The following KATNAL1 variants were observed in gnomAD, a reference collection of about 807,000 sequenced individuals.
KATNAL1 encodes katanin catalytic subunit A1 like 1, also known as katanin p60 ATPase-containing subunit A-like 1.
KATNAL1 carries 32 observed loss-of-function variants against 55.2 expected under a neutral mutation model. The ratio of observed to expected loss-of-function variants is 0.58; its 90% confidence interval spans 0.44 to 0.78. The LOEUF (loss-of-function observed/expected upper bound fraction) is 0.78, where lower values mean the gene tolerates loss of function less well. Ranked by LOEUF, KATNAL1 falls within the 30% of genes least tolerant of loss-of-function variation. The pLI is 0.00. For synonymous variants in KATNAL1, 193 were observed against 193.6 expected (o/e 1.00, Z 0.02); for missense variants, 466 against 600.9 (o/e 0.78, Z 2.35).
chr13:30,275,999 C>T (rs1332324787), intron 3 of KATNAL1, among the ~76,000 whole-genome samples: 1 of 151,952 alleles, frequency 6.6e-6, no homozygotes, highest in Non-Finnish European at 1.5e-5. Flanking sequence ...CTGGAAGAAA[C>T]CAACTCATTA....
At chr13:30,303,215 CAT>C (rs1882970491) in intron 1 of KATNAL1, among the ~76,000 whole-genome samples, 1 of 152,192 alleles carries the variant, frequency 6.6e-6, no homozygotes. Flanking sequence ...GCAAAAGAAA[CAT>C]ATCTAAAGAC....
intron 5 of KATNAL1, 132 bp from the exon 6 acceptor site, chr13:30,240,697 C>A: frequency 1.4e-6 from 1 of 696,188 alleles, no homozygotes; most frequent in Non-Finnish European, 2.4e-6. Context: ...ATTCTTACTG[C>A]ATAAAAAGAT....
rs1245244246 is a variant in KATNAL1, at chr13:30,204,271, A to AAT, written c.*4267_*4268dup. ...TTAACATTTTATGCCTGTCATACAG[A>AAT]ATATACCCTAAACTGATTTATCACT... On this transcript the variant is annotated 3_prime_UTR_variant, in exon 11 of 11. Transcript: ENST00000380615. 1.3e-5 allele frequency: 2 copies of AAT among 152,220 alleles called. No individual in the cohort carries two copies. The highest frequency in any genetic ancestry group is 4.8e-5 in the African/African-American group (2 of 41,442). The allele number at this position is 152,220 out of a possible 1,614,324, so 9.4% of individuals were successfully genotyped here.
chr13:30,206,194 T>C lies in KATNAL1; in HGVS notation c.*2346A>G, dbSNP rs1873133271. Reference sequence around the variant, plus strand: ...TACTCAGGAGGCCGAGGCAGGAGAATGGCTTGAACCTGGGAGGCAGAAGTT... The same window carrying C: ...TACTCAGGAGGCCGAGGCAGGAGAACGGCTTGAACCTGGGAGGCAGAAGTT... On this transcript the variant is annotated 3_prime_UTR_variant, in exon 11 of 11. Coordinates refer to ENST00000380615, the MANE Select transcript of KATNAL1 (RefSeq NM_032116.5). The C allele has an allele frequency of 6.6e-6, 1 of 152,118 alleles. No individual in the cohort carries two copies. Among genetic ancestry groups the C allele is most frequent in the African/African-American group, 2.4e-5 (1 of 41,360 alleles). 9.4% of individuals were successfully genotyped at this position (152,118 alleles called of 1,614,324 possible).
chr13:30,275,583 T>A (rs1449672387), intron 3 of KATNAL1, among the ~76,000 whole-genome samples: 1 of 152,092 alleles, frequency 6.6e-6, no homozygotes, highest in African/African-American at 2.4e-5. Flanking sequence ...TGGGGTGATA[T>A]TGGTCAAAGG....
chr13:30,261,451 T>C lies in KATNAL1; in HGVS notation c.324-5836A>G, dbSNP rs563565714. Among the ~76,000 whole-genome samples the C allele has an allele frequency of 1.7e-3, 257 of 152,292 alleles. 1 individual carries two copies. Among genetic ancestry groups the C allele is most frequent in the African/African-American group, 5.8e-3 (239 of 41,548 alleles). ...ATTGGATAGAGTCAAGACCCATCAG[T>C]GTGCTGTATTCAGGAGACCCATCTC... On this transcript the variant is annotated intron_variant, in intron 3 of 10. Coordinates refer to ENST00000380615, the MANE Select transcript of KATNAL1 (RefSeq NM_032116.5).
At chr13:30,258,445 T>C (rs1878967319) in intron 3 of KATNAL1, among the ~76,000 whole-genome samples, 2 of 152,206 alleles carry the variant, frequency 1.3e-5, no homozygotes, top group South Asian at 4.2e-4. Context: ...TTCTTTATTT[T>C]TGCATTTTAT....
intron 9 of KATNAL1, among the ~76,000 whole-genome samples, chr13:30,226,696 G>A (rs771566635): frequency 2.6e-5 from 4 of 152,134 alleles, no homozygotes; most frequent in Non-Finnish European, 4.4e-5. Flanking sequence ...ATATACTTAA[G>A]TACATTTCAT....
chr13:30,256,807 G>A (rs1464796607), intron 3 of KATNAL1, among the ~76,000 whole-genome samples: 1 of 152,130 alleles, frequency 6.6e-6, no homozygotes, highest in East Asian at 1.9e-4. Context: ...GGCAAAAACC[G>A]TATGTCTATC....
chr13:30,306,185 A>C (rs1566140958), intron 1 of KATNAL1, among the ~76,000 whole-genome samples: 1 of 152,218 alleles, frequency 6.6e-6, no homozygotes, highest in Non-Finnish European at 1.5e-5. Context: ...AGGTTTCGTA[A>C]ATCTGTGTCA....
rs1873346404 is a variant in KATNAL1, at chr13:30,208,385, A to G, written c.*155T>C. 8.3e-6 allele frequency: 5 copies of G among 601,024 alleles called. No homozygotes were observed. Among genetic ancestry groups the G allele is most frequent in the Non-Finnish European group, 1.4e-5 (5 of 356,802 alleles). The allele number at this position is 601,024 out of a possible 1,614,324, so 37.2% of individuals were successfully genotyped here. A position where few individuals can be genotyped will look rare whatever the true frequency, so the allele number is the denominator to read the frequency against. ...AACTCTCGCCATCAATTATTTCTCAACTACATTTAGTATTCTTCGCAGTTT... is the reference window on the plus strand; with the variant it reads ...AACTCTCGCCATCAATTATTTCTCAGCTACATTTAGTATTCTTCGCAGTTT... On this transcript the variant is annotated 3_prime_UTR_variant, in exon 11 of 11. Coordinates refer to ENST00000380615, the MANE Select transcript of KATNAL1 (RefSeq NM_032116.5).
At chr13:30,248,036 C>T (rs1449273880) in intron 4 of KATNAL1, among the ~76,000 whole-genome samples, 1 of 152,120 alleles carries the variant, frequency 6.6e-6, no homozygotes, top group Non-Finnish European at 1.5e-5. Context: ...TTAAGACAGC[C>T]TTGAAAGTGG....
At chr13:30,304,157 C>T (rs1883035788) in intron 1 of KATNAL1, among the ~76,000 whole-genome samples, 1 of 152,082 alleles carries the variant, frequency 6.6e-6, no homozygotes, top group African/African-American at 2.4e-5. Flanking sequence ...AACTTACTTT[C>T]TTTCCTTATT....
intron 3 of KATNAL1, among the ~76,000 whole-genome samples, chr13:30,268,484 C>G (rs1879956976): frequency 6.6e-6 from 1 of 152,138 alleles, no homozygotes; most frequent in South Asian, 2.1e-4. Context: ...TTCACAGTGA[C>G]ACTGTTTAAC....
chr13:30,214,133 GACAA>G (rs1274658404), intron 9 of KATNAL1, among the ~76,000 whole-genome samples: 2 of 152,050 alleles, frequency 1.3e-5, no homozygotes, highest in African/African-American at 2.4e-5. Context: ...ACCAATAACA[GACAA>G]ACAGAGCCAA....
intron 9 of KATNAL1, among the ~76,000 whole-genome samples, chr13:30,220,464 AAAAC>A (rs1874734999): frequency 1.3e-5 from 2 of 152,146 alleles, no homozygotes; most frequent in South Asian, 2.1e-4. Flanking sequence ...CCATCTCAAA[AAAAC>A]AAACAAACAA....
intron 9 of KATNAL1, among the ~76,000 whole-genome samples, chr13:30,223,093 T>C (rs1593843089): frequency 6.6e-6 from 1 of 150,720 alleles, no homozygotes; most frequent in Admixed American, 6.6e-5. Context: ...AGGCTCCGAC[T>C]TAAACAAACA....
At chr13:30,210,902 GTAGTT>G (rs1056665755) in intron 9 of KATNAL1, among the ~76,000 whole-genome samples, 40 of 152,212 alleles carry the variant, frequency 2.6e-4, no homozygotes, top group African/African-American at 9.6e-4. Context: ...ACTCTTATCA[GTAGTT>G]TAAAGAACAT....
At chr13:30,302,299 C>T (rs553990213) in intron 1 of KATNAL1, among the ~76,000 whole-genome samples, 94 of 152,268 alleles carry the variant, frequency 6.2e-4, no homozygotes, top group African/African-American at 2.0e-3. Flanking sequence ...ATATAAGAAA[C>T]AATGTAAGGC....
Sources: gnomAD v4.1 joint callset for allele counts (sites outside exome capture counted in the v4.1 genomes callset) on GRCh38, gnomAD v4.1.1 for gene constraint, MANE v1.5 for transcripts, NCBI Gene and HGNC (gene_info 2026-07-23, HGNC 2026-07-21) for gene names.